Variants in RCOR3 observed in about 807,000 individuals in gnomAD.
RCOR3 encodes REST corepressor 3.
A neutral mutation model predicts 64.1 loss-of-function variants in RCOR3; 13 were observed. The observed-to-expected ratio is 0.20, with a 90% CI of 0.13 to 0.32. The LOEUF (loss-of-function observed/expected upper bound fraction) is 0.32, where lower values mean the gene tolerates loss of function less well. Ranked by LOEUF, RCOR3 falls within the 10% of genes least tolerant of loss-of-function variation. The probability of loss-of-function intolerance (pLI) is 1.00; values close to 1 mark genes in which losing one functional copy is unlikely to be tolerated. For missense variants in RCOR3, 489 were observed against 701.2 expected (o/e 0.70, Z 3.42); for synonymous variants, 215 against 239.0 (o/e 0.90, Z 0.93).
rs1374500357 is a variant in RCOR3 at position 211,316,205 on chromosome 1, AAAAAT to A, written c.*2441_*2445del. ...AGTGGTTTTTTAAAATTACATAACTAAAAATAAACCACACTGTGGATACATCTTAT... is the reference window on the plus strand; with the variant it reads ...AGTGGTTTTTTAAAATTACATAACTAAAACCACACTGTGGATACATCTTAT... On this transcript the variant is annotated 3_prime_UTR_variant, in exon 12 of 12. Coordinates refer to ENST00000419091, the MANE Select transcript of RCOR3 (RefSeq NM_001136223.3). 2.0e-5 allele frequency: 3 copies of A among 152,182 alleles called. No individual in the cohort carries two copies. The highest frequency in any genetic ancestry group is 4.4e-5 in the Non-Finnish European group (3 of 68,030). 9.4% of individuals were successfully genotyped at this position (152,182 alleles called of 1,614,324 possible). A position where few individuals can be genotyped will look rare whatever the true frequency, so the allele number is the denominator to read the frequency against.
chr1:211,260,188 A>T lies in RCOR3; in HGVS notation c.223+24A>T, dbSNP rs920129426. The T allele has an allele frequency of 5.6e-6, 9 of 1,606,130 alleles. No homozygotes were observed. In the Middle Eastern group the frequency reaches 1.0e-3, roughly 178 times the overall value. On this transcript the variant is annotated intron_variant, in intron 2 of 11. Transcript: ENST00000419091. Reference sequence around the variant, plus strand: ...AGGTAGATATATTTGCTTAAGCAAAATCTCATATCCCCTTTCCTGGGCTTG... The same window carrying T: ...AGGTAGATATATTTGCTTAAGCAAATTCTCATATCCCCTTTCCTGGGCTTG...
At position 211,260,692 on chromosome 1, in the gene RCOR3, G is replaced by A. The variant is rs114033229; in HGVS notation, c.223+528G>A. The stretch of plus-strand genomic sequence containing the variant: ...TTTTCTTTCTTTTTGGCTAGGTGGT[G>A]TAGCTTTGGTCGCGGCAGCTCTGCG... On this transcript the variant is annotated intron_variant, in intron 2 of 11. Transcript: ENST00000419091. Among the ~76,000 whole-genome samples the A allele has an allele frequency of 5.4e-3, 812 of 149,508 alleles. 3 individuals are homozygous for A. Among genetic ancestry groups the A allele is most frequent in the Non-Finnish European group, 8.8e-3 (595 of 67,294 alleles).
At chr1:211,260,299 C>A in intron 2 of RCOR3, 135 bp downstream of exon 2, 1 of 736,162 alleles carries the variant, frequency 1.4e-6, no homozygotes, top group Non-Finnish European at 2.3e-6. Context: ...GGCGGGGAGG[C>A]TGTCAGGCTT....
intron 7 of RCOR3, among the ~76,000 whole-genome samples, chr1:211,284,394 A>G (rs1410355693): frequency 6.6e-6 from 1 of 152,040 alleles, no homozygotes; most frequent in South Asian, 2.1e-4. Context: ...TTAAATTTAA[A>G]TTCCAGTATT....
chr1:211,301,335 G>A (rs1700358749), intron 9 of RCOR3: 1 of 152,034 alleles, frequency 6.6e-6, no homozygotes, highest in Admixed American at 6.6e-5. Flanking sequence ...AGCATTTCTT[G>A]ATTTCTCAGG....
intron 10 of RCOR3, among the ~76,000 whole-genome samples, chr1:211,305,368 A>C (rs1271283454): frequency 6.6e-6 from 1 of 152,246 alleles, no homozygotes; most frequent in Admixed American, 6.5e-5. Flanking sequence ...CATAATGTTC[A>C]AAAATAGCTG....
intron 2 of RCOR3, among the ~76,000 whole-genome samples, chr1:211,266,527 A>G (rs1049801188): frequency 2.6e-5 from 4 of 152,198 alleles, no homozygotes; most frequent in South Asian, 2.1e-4. Context: ...AGAACTGATA[A>G]CGCTACTATA....
chr1:211,307,794 TTGTATAAAGA>T (rs1037623385), intron 10 of RCOR3, among the ~76,000 whole-genome samples: 89 of 151,798 alleles, frequency 5.9e-4, no homozygotes, highest in African/African-American at 2.1e-3. Flanking sequence ...TTTTTTCCGA[TTGTATAAAGA>T]TGTCAACTTT....
At chr1:211,267,741 A>G in intron 2 of RCOR3, 1 of 291,518 alleles carries the variant, frequency 3.4e-6, no homozygotes, top group South Asian at 2.6e-5. Flanking sequence ...ACAGGTGCAC[A>G]CGATCACATC....
At chr1:211,274,176 G>A in intron 3 of RCOR3, 34 bp from the exon 4 acceptor site, 3 of 1,398,584 alleles carry the variant, frequency 2.1e-6, no homozygotes, top group African/African-American at 1.4e-5. Context: ...AAGTAAATGA[G>A]AATAATTAAT....
At chr1:211,305,292 G>A (rs1452868075) in intron 10 of RCOR3, among the ~76,000 whole-genome samples, 1 of 152,196 alleles carries the variant, frequency 6.6e-6, no homozygotes, top group African/African-American at 2.4e-5. Context: ...TGCTGGATGT[G>A]CATTGGGCAC....
intron 3 of RCOR3, among the ~76,000 whole-genome samples, chr1:211,273,959 A>G (rs1696603543): frequency 1.3e-5 from 2 of 152,138 alleles, no homozygotes; most frequent in South Asian, 4.1e-4. Flanking sequence ...AAATACAGTA[A>G]TGTCATTGAA....
chr1:211,313,809 C>G lies in RCOR3; in HGVS notation c.*41C>G, dbSNP rs760350109. The G allele has an allele frequency of 1.3e-6, 2 of 1,510,348 alleles. No individual in the cohort carries two copies. 93.6% of individuals were successfully genotyped at this position (1,510,348 alleles called of 1,614,324 possible). A position where few individuals can be genotyped will look rare whatever the true frequency, so the allele number is the denominator to read the frequency against. ...CAGCTGCAGTAACTTTTCACCCCAT[C>G]ATTATACCAGTGCTCATCTGACTGA... On this transcript the variant is annotated 3_prime_UTR_variant, in exon 12 of 12. Transcript: ENST00000419091. This position sits in a 1 kb window ranked among gnomAD's most constrained non-coding sequence, Gnocchi z 4.7.
chr1:211,316,299 A>G lies in RCOR3; in HGVS notation c.*2531A>G, dbSNP rs1453315578. On this transcript the variant is annotated 3_prime_UTR_variant, in exon 12 of 12. Transcript: ENST00000419091. ...TCTAGTGTAATATGGATGAGGTAAG[A>G]GTAAGTTATGATCAAACTTTTTATG... is the stretch of plus-strand genomic sequence containing the variant. The G allele has an allele frequency of 6.6e-6, 1 of 152,228 alleles. No individual in the cohort carries two copies. The highest frequency in any genetic ancestry group is 1.9e-4 in the East Asian group (1 of 5,204). The allele number at this position is 152,228 out of a possible 1,614,324, so 9.4% of individuals were successfully genotyped here. A position where few individuals can be genotyped will look rare whatever the true frequency, so the allele number is the denominator to read the frequency against.
chr1:211,284,022 A>G (rs1183598191), intron 7 of RCOR3, among the ~76,000 whole-genome samples: 1 of 150,628 alleles, frequency 6.6e-6, no homozygotes. Context: ...TAAATTTTAA[A>G]TTTATTATTT....
intron 1 of RCOR3, 136 bp downstream of exon 1, chr1:211,259,862 T>G (rs1314180153): frequency 1.9e-6 from 2 of 1,044,894 alleles, no homozygotes; most frequent in Non-Finnish European, 2.6e-6. Context: ...GAACTCCCGG[T>G]GCAGTGCAGC....
At position 211,259,454 on chromosome 1, in the gene RCOR3, C is replaced by T. The variant is rs1174211357; in HGVS notation, c.-107C>T. 3.0e-5 allele frequency: 35 copies of T among 1,151,192 alleles called. No individual in the cohort carries two copies. The highest frequency in any genetic ancestry group is 8.4e-5 in the Admixed American group (3 of 35,544). 71.3% of individuals were successfully genotyped at this position (1,151,192 alleles called of 1,614,324 possible). On this transcript the variant is annotated 5_prime_UTR_variant, in exon 1 of 12. Transcript: ENST00000419091. ...CCTCCTCCTCCTCCGCCGCCGCCGC[C>T]GTCTCCTCCTCCTCCTCCTTTCCCT... is the stretch of plus-strand genomic sequence containing the variant.
intron 7 of RCOR3, among the ~76,000 whole-genome samples, chr1:211,283,812 AT>A (rs71134672): frequency 2.0e-3 from 265 of 134,112 alleles, no homozygotes; most frequent in Middle Eastern, 7.9e-3. Context: ...CCTGGCTTGT[AT>A]TTTTTTTTTT....
rs1190530612 is a variant in RCOR3 at position 211,281,052 on chromosome 1, G to C, written c.720+1736G>C. On this transcript the variant is annotated intron_variant, in intron 7 of 11. Transcript: ENST00000419091. Reference sequence around the variant, plus strand: ...AACAAATCATCCTTCTTAGCACTACGTCACTTTTGAGTTTGCTTTAGTCAG... The same window carrying C: ...AACAAATCATCCTTCTTAGCACTACCTCACTTTTGAGTTTGCTTTAGTCAG... 4.0e-5 allele frequency among the ~76,000 whole-genome samples: 6 copies of C among 150,152 alleles called. No homozygotes were observed. In the East Asian group the frequency reaches 1.2e-3, roughly 29 times the overall value.
Sources: allele counts gnomAD v4.1 joint callset (sites outside exome capture counted in the v4.1 genomes callset), GRCh38; gene constraint gnomAD v4.1.1; non-coding constraint Gnocchi (gnomAD v3.1); transcripts MANE v1.5; gene names NCBI Gene and HGNC (gene_info 2026-07-23, HGNC 2026-07-21).